CHST9: variants seen among roughly 807,000 people sequenced by gnomAD.
The protein encoded by CHST9 is GalNAc-4-sulfotransferase 2.
CHST9 carries 41 observed loss-of-function variants against 44.4 expected under a neutral mutation model. That is an observed-to-expected ratio of 0.92 (90% CI 0.72 to 1.20). CHST9 has a LOEUF of 1.20. Among genes scored for constraint, CHST9 ranks in the 50% most tolerant of loss-of-function variants. The pLI is 0.00. For synonymous variants in CHST9, 171 were observed against 178.4 expected (o/e 0.96, Z 0.33); for missense variants, 504 against 516.5 (o/e 0.98, Z 0.23).
At chr18:27,162,509 T>C (rs535265599) in intron 1 of CHST9, among the ~76,000 whole-genome samples, 242 of 152,306 alleles carry the variant, frequency 1.6e-3, no homozygotes, top group African/African-American at 5.6e-3. Flanking sequence ...CCTTTGTGGG[T>C]AACCCAACCT....
intron 2 of CHST9, among the ~76,000 whole-genome samples, chr18:27,079,719 G>A (rs1307047477): frequency 6.6e-6 from 1 of 152,186 alleles, no homozygotes; most frequent in Non-Finnish European, 1.5e-5. Flanking sequence ...GAGATCGGGA[G>A]TCTACCGTGA....
rs1555666529 is a variant in CHST9 at position 26,912,417 on chromosome 18, A to ACACACC, written c.*3841_*3842insGGTGTG. On this transcript the variant is annotated 3_prime_UTR_variant, in exon 6 of 6. Coordinates refer to ENST00000618847, the MANE Select transcript of CHST9 (RefSeq NM_031422.6). ...CACACACACACACACACACACAGAC[A>ACACACC]CCCATATTTGTATGGAAAAAATTTC... The ACACACC allele has an allele frequency of 5.9e-5, 9 of 151,632 alleles. No individual in the cohort carries two copies. Among genetic ancestry groups the ACACACC allele is most frequent in the Admixed American group, 6.6e-5 (1 of 15,194 alleles). 9.4% of individuals were successfully genotyped at this position (151,632 alleles called of 1,614,324 possible).
intron 1 of CHST9, among the ~76,000 whole-genome samples, chr18:27,171,038 T>G (rs1039586828): frequency 1.8e-4 from 28 of 152,150 alleles, no homozygotes; most frequent in Non-Finnish European, 4.4e-5. Context: ...GAGGGTACTG[T>G]GGGAGAAAAC....
chr18:27,090,767 G>A (rs1172876920), intron 2 of CHST9, among the ~76,000 whole-genome samples: 11 of 152,086 alleles, frequency 7.2e-5, no homozygotes, highest in Admixed American at 7.2e-4. Context: ...GATGTGTGGT[G>A]TTATTTCTGA....
At chr18:26,984,778 C>A (rs2056735005) in intron 4 of CHST9, among the ~76,000 whole-genome samples, 1 of 147,772 alleles carries the variant, frequency 6.8e-6, no homozygotes. Flanking sequence ...CTTCATTAGT[C>A]ATGAGGAAAA....
chr18:27,137,304 A>ATATGTG (rs1422240359), intron 2 of CHST9, among the ~76,000 whole-genome samples: 1 of 145,486 alleles, frequency 6.9e-6, no homozygotes, highest in African/African-American at 2.5e-5. Context: ...TTATTTATAT[A>ATATGTG]TGTGTGTGTG....
chr18:26,990,806 A>G (rs1248823763), intron 4 of CHST9, among the ~76,000 whole-genome samples: 2 of 152,198 alleles, frequency 1.3e-5, no homozygotes, highest in African/African-American at 4.8e-5. Context: ...GTTCTAGTCC[A>G]TTGCAATCCC....
chr18:27,055,058 T>C (rs1198200997), intron 2 of CHST9, among the ~76,000 whole-genome samples: 1 of 152,128 alleles, frequency 6.6e-6, no homozygotes, highest in Non-Finnish European at 1.5e-5. Flanking sequence ...AATTCTGAGT[T>C]TGCGTTCACT....
intron 2 of CHST9, among the ~76,000 whole-genome samples, chr18:27,078,154 C>A (rs1032571855): frequency 6.6e-6 from 1 of 152,156 alleles, no homozygotes; most frequent in Non-Finnish European, 1.5e-5. Context: ...CAAACCATAT[C>A]AAACATGGTA....
intron 2 of CHST9, among the ~76,000 whole-genome samples, chr18:27,078,489 C>A (rs116051749): frequency 0.033 from 4,957 of 149,342 alleles, 100 homozygotes; most frequent in Middle Eastern, 0.052. Context: ...ATATATATAT[C>A]TCTCTCACAT....
At chr18:27,053,263 AGAAGG>A (rs1568151197) in intron 2 of CHST9, among the ~76,000 whole-genome samples, 1,324 of 68,542 alleles carry the variant, frequency 0.019, 14 homozygotes, top group Middle Eastern at 0.042. Context: ...AAGAAGAAGG[AGAAGG>A]AGAAGGAGAA....
rs995191578 is a variant in CHST9, at chr18:27,133,585, C to G, written c.121+9104G>C. Reference sequence around the variant, plus strand: ...CTGTGGGACACTGGTGACCAAAATACAAGTTTCCTGCCCTCAGGAAGCCTC... The same window carrying G: ...CTGTGGGACACTGGTGACCAAAATAGAAGTTTCCTGCCCTCAGGAAGCCTC... On this transcript the variant is annotated intron_variant, in intron 2 of 5. Coordinates refer to ENST00000618847, the MANE Select transcript of CHST9 (RefSeq NM_031422.6). Among the ~76,000 whole-genome samples the G allele has an allele frequency of 2.0e-5, 3 of 152,270 alleles. 1 individual carries two copies. Among genetic ancestry groups the G allele is most frequent in the East Asian group, 3.9e-4 (2 of 5,184 alleles).
Position 27,088,825 on chromosome 18 carries a change from G to A in CHST9, c.122-40322C>T, listed in dbSNP as rs141443859. On this transcript the variant is annotated intron_variant, in intron 2 of 5. Transcript: ENST00000618847. ...CACAGATTTAGGGACATGCTATGGAGAGGAGCTGCCAGACAGGGTTTCACA... is the reference window on the plus strand; with the variant it reads ...CACAGATTTAGGGACATGCTATGGAAAGGAGCTGCCAGACAGGGTTTCACA... Among the ~76,000 whole-genome samples the A allele has an allele frequency of 8.6e-4, 131 of 152,272 alleles. 3 individuals are homozygous for A. Among genetic ancestry groups the A allele is most frequent in the African/African-American group, 1.1e-3 (47 of 41,538 alleles).
At chr18:27,012,643 A>G (rs568896998) in intron 4 of CHST9, among the ~76,000 whole-genome samples, 5 of 152,330 alleles carry the variant, frequency 3.3e-5, no homozygotes, top group Non-Finnish European at 7.3e-5. Context: ...GGAAATGGAA[A>G]CTATAAACAA....
At chr18:27,173,776 C>G (rs2058849206) in intron 1 of CHST9, among the ~76,000 whole-genome samples, 2 of 151,892 alleles carry the variant, frequency 1.3e-5, no homozygotes, top group Non-Finnish European at 2.9e-5. Flanking sequence ...TTATTTTATC[C>G]TTTGGATAGC....
intron 2 of CHST9, among the ~76,000 whole-genome samples, chr18:27,114,380 A>G (rs560666497): frequency 6.6e-6 from 1 of 152,170 alleles, no homozygotes; most frequent in African/African-American, 2.4e-5. Flanking sequence ...TTAGTGTTTA[A>G]TTACACCCAG....
rs561970992 is a variant in CHST9, at chr18:27,096,182, A to G, written c.121+46507T>C. ...AAATTAAACAACTTGCTCTTGAATG[A>G]CTTTTGAGTAAACAATGAAATCAAG... is the stretch of plus-strand genomic sequence containing the variant. On this transcript the variant is annotated intron_variant, in intron 2 of 5. Transcript: ENST00000618847. Among the ~76,000 whole-genome samples the G allele has an allele frequency of 1.1e-4, 17 of 152,272 alleles. 1 individual carries two copies. The South Asian group carries it at 3.1e-3, about 28-fold the overall frequency.
chr18:27,025,062 A>ATG, intron 3 of CHST9, among the ~76,000 whole-genome samples: 1 of 147,704 alleles, frequency 6.8e-6, no homozygotes, highest in East Asian at 1.9e-4. Context: ...ATATATATAT[A>ATG]TGTATATATA....
chr18:27,090,555 T>C (rs1196699971), intron 2 of CHST9, among the ~76,000 whole-genome samples: 1 of 152,230 alleles, frequency 6.6e-6, no homozygotes, highest in Admixed American at 6.5e-5. Context: ...GCCTAGGTTT[T>C]CTTCTAGGGT....
Sources: gnomAD v4.1 joint callset for allele counts (sites outside exome capture counted in the v4.1 genomes callset) on GRCh38, gnomAD v4.1.1 for gene constraint, MANE v1.5 for transcripts, NCBI Gene and HGNC (gene_info 2026-07-23, HGNC 2026-07-21) for gene names.